The following PCLO variants were observed in gnomAD, a reference collection of about 807,000 sequenced individuals.
The protein encoded by PCLO is protein piccolo.
In PCLO, 82 loss-of-function variants were observed where a neutral mutation model predicts 427.5. The observed-to-expected ratio is 0.19, with a 90% CI of 0.16 to 0.23. The LOEUF (loss-of-function observed/expected upper bound fraction) is 0.23. PCLO is among the 10% of genes least tolerant of loss of function. The pLI, the probability that PCLO is intolerant of heterozygous loss-of-function variation, is 1.00. For synonymous variants in PCLO, 2,357 were observed against 2,155.4 expected (o/e 1.09, Z -2.59); for missense variants, 6,239 against 6,115.9 (o/e 1.02, Z -0.67).
intron 10 of PCLO, among the ~76,000 whole-genome samples, chr7:82,859,424 T>C (rs1792897454): frequency 6.6e-6 from 1 of 152,158 alleles, no homozygotes; most frequent in East Asian, 1.9e-4. Context: ...GACGTTATGT[T>C]TGGGAGAAAG....
At chr7:82,835,275 C>T (rs1792204310) in intron 16 of PCLO, among the ~76,000 whole-genome samples, 1 of 151,948 alleles carries the variant, frequency 6.6e-6, no homozygotes, top group African/African-American at 2.4e-5. Context: ...ATCCAGAAGA[C>T]CCATTAATTA....
intron 3 of PCLO, among the ~76,000 whole-genome samples, chr7:83,026,547 G>A (rs1226969379): frequency 3.3e-5 from 5 of 151,172 alleles, no homozygotes; most frequent in South Asian, 2.1e-4. Flanking sequence ...ACAGATCAAC[G>A]AGACAGAAAG....
chr7:83,024,094 T>C (rs192124290), intron 3 of PCLO, among the ~76,000 whole-genome samples: 280 of 152,176 alleles, frequency 1.8e-3, no homozygotes, highest in African/African-American at 6.5e-3. Flanking sequence ...CTCAGCTCAC[T>C]CAAGGAGCCA....
intron 2 of PCLO, among the ~76,000 whole-genome samples, chr7:83,153,669 G>A (rs1792194388): frequency 6.6e-6 from 1 of 152,020 alleles, no homozygotes; most frequent in Non-Finnish European, 1.5e-5. Context: ...TTAAGTAGAG[G>A]CTATTAGATC....
At chr7:82,818,792 C>T (rs913782871) in intron 20 of PCLO, among the ~76,000 whole-genome samples, 5 of 152,182 alleles carry the variant, frequency 3.3e-5, no homozygotes, top group Non-Finnish European at 4.4e-5. Flanking sequence ...ACTACCTCAT[C>T]CACTTAATGT....
intron 9 of PCLO, among the ~76,000 whole-genome samples, chr7:82,892,326 A>T (rs1793788645): frequency 1.3e-5 from 2 of 152,172 alleles, no homozygotes; most frequent in South Asian, 4.1e-4. Context: ...AGAAATGGGG[A>T]AAGGATTCCC....
In PCLO at chr7:82,824,432, AC is replaced by A. The variant is rs750220185; in HGVS notation, c.14416-17del. ...CAATCAATACCTGAAAAAAAGTGTA[AC>A]AAATAAATGAAATTTAGGGACTAAA... On this transcript the variant is annotated splice_polypyrimidine_tract_variant and intron_variant, in intron 18 of 24. Coordinates refer to ENST00000333891, the MANE Select transcript of PCLO (RefSeq NM_033026.6). 10 of 1,527,656 alleles carry A rather than the reference AC, an allele frequency of 6.5e-6. No individual in the cohort carries two copies. The highest frequency in any genetic ancestry group is 8.0e-6 in the Non-Finnish European group (9 of 1,121,200). 94.6% of individuals were successfully genotyped at this position (1,527,656 alleles called of 1,614,324 possible).
chr7:83,032,918 C>T (rs1188768232), intron 3 of PCLO, among the ~76,000 whole-genome samples: 2 of 152,044 alleles, frequency 1.3e-5, no homozygotes, highest in Non-Finnish European at 1.5e-5. Flanking sequence ...ATTGTAATCC[C>T]CACATGTGGA....
At chr7:82,867,395 T>C (rs1793123299) in intron 10 of PCLO, among the ~76,000 whole-genome samples, 1 of 152,188 alleles carries the variant, frequency 6.6e-6, no homozygotes, top group Non-Finnish European at 1.5e-5. Context: ...ACCTGGGTAC[T>C]AAAAGTTTTA....
intron 10 of PCLO, among the ~76,000 whole-genome samples, chr7:82,866,696 A>ACC (rs1380517886): frequency 4.3e-5 from 6 of 140,436 alleles, no homozygotes; most frequent in Non-Finnish European, 6.3e-5. Context: ...ACACACACAC[A>ACC]CCCCTTTAAT....
intron 10 of PCLO, among the ~76,000 whole-genome samples, chr7:82,860,316 G>GA (rs895326173): frequency 5.3e-5 from 8 of 149,902 alleles, no homozygotes; most frequent in Middle Eastern, 3.4e-3. Context: ...AGCAGCAAGA[G>GA]AAAAAAAAAT....
chr7:83,075,071 A>T (rs1280038084), intron 3 of PCLO, among the ~76,000 whole-genome samples: 1 of 152,158 alleles, frequency 6.6e-6, no homozygotes, highest in Non-Finnish European at 1.5e-5. Flanking sequence ...TCACCACGTT[A>T]GTATTTTGAG....
chr7:82,794,453 T>TTTTTTG (rs1791175787), intron 22 of PCLO, among the ~76,000 whole-genome samples: 1 of 89,702 alleles, frequency 1.1e-5, no homozygotes, highest in Non-Finnish European at 2.0e-5. Flanking sequence ...TTCATAAATT[T>TTTTTTG]TTTTTCTTTT....
chr7:82,844,961 A>G (rs1273236331), intron 13 of PCLO, among the ~76,000 whole-genome samples: 1 of 152,146 alleles, frequency 6.6e-6, no homozygotes, highest in Non-Finnish European at 1.5e-5. Flanking sequence ...TGCAAAGCTA[A>G]TATTCTATAT....
chr7:82,915,910 T>C lies in PCLO; in HGVS notation c.12076A>G (p.Ile4026Val), dbSNP rs374336010. 134 of 1,613,286 alleles carry C rather than the reference T, an allele frequency of 8.3e-5. No individual in the cohort carries two copies. The highest frequency in any genetic ancestry group is 1.0e-4 in the Non-Finnish European group (122 of 1,179,804). ...EERSSMASSP[I>V]SSISADSFYA... ...AAAGAATCTGCAGATATGCTTGATATTGGACTGCTTGCCATGCTACTTCTT... is the reference window on the plus strand; with the variant it reads ...AAAGAATCTGCAGATATGCTTGATACTGGACTGCTTGCCATGCTACTTCTT... Residue 4026 changes from isoleucine (I) to valine (V), a missense_variant, in exon 7 of 25, where the codon ATA becomes GTA. Ile to Val is a conservative substitution (Grantham distance 29). This residue lies in a region of PCLO where 680 missense variants were observed against 677.3 expected (regional missense o/e 1.00). Transcript: ENST00000333891.
chr7:83,047,825 A>G (rs1032463022), intron 3 of PCLO, among the ~76,000 whole-genome samples: 6 of 152,064 alleles, frequency 3.9e-5, no homozygotes, highest in African/African-American at 1.4e-4. Flanking sequence ...ATATGAACCC[A>G]GGTTTGTTTG....
intron 3 of PCLO, among the ~76,000 whole-genome samples, chr7:83,038,823 G>A (rs1249189461): frequency 6.6e-6 from 1 of 152,014 alleles, no homozygotes; most frequent in East Asian, 1.9e-4. Flanking sequence ...CGAAGTGGCT[G>A]CACCAATTTA....
chr7:83,032,789 A>G (rs897157717), intron 3 of PCLO, among the ~76,000 whole-genome samples: 1 of 152,066 alleles, frequency 6.6e-6, no homozygotes, highest in Admixed American at 6.6e-5. Flanking sequence ...CTAGAGTTGA[A>G]TCATGAAGTT....
chr7:82,758,643 T>G lies in PCLO; in HGVS notation c.15361A>C (p.Lys5121Gln), dbSNP rs944293598. 3 of 1,611,322 alleles carry G rather than the reference T, an allele frequency of 1.9e-6. No individual in the cohort carries two copies. In the African/African-American group the frequency reaches 4.0e-5, roughly 22 times the overall value. Reference sequence around the variant, plus strand: ...ACTATTCTTTTTCTGAGATCCACTTTGTCAAGCCAGATACAGGCTTCACCA... The same window carrying G: ...ACTATTCTTTTTCTGAGATCCACTTGGTCAAGCCAGATACAGGCTTCACCA... The part of the protein sequence containing the change: ...LIGEACIWLD[K>Q]VDLRKRIVNW... The change falls in exon 25 of 25, where the codon AAA becomes CAA. Residue 5121 changes from lysine (K) to glutamine (Q), a missense_variant. By Grantham distance (53) the Lys-to-Gln change is moderately conservative (BLOSUM62 1). This residue lies in a region of PCLO where 877 missense variants were observed against 925.5 expected (regional missense o/e 0.95). Coordinates refer to ENST00000333891, the MANE Select transcript of PCLO (RefSeq NM_033026.6).
Sources: allele counts gnomAD v4.1 joint callset (sites outside exome capture counted in the v4.1 genomes callset), GRCh38; gene constraint gnomAD v4.1.1; regional missense constraint gnomAD v4.1.1; transcripts MANE v1.5; gene names NCBI Gene and HGNC (gene_info 2026-07-23, HGNC 2026-07-21).